HMCN1: variants seen among roughly 807,000 people sequenced by gnomAD.
HMCN1 encodes hemicentin-1.
HMCN1 carries 321 observed loss-of-function variants against 625.9 expected under a neutral mutation model. That is an observed-to-expected ratio of 0.51 (90% CI 0.47 to 0.56). The LOEUF is 0.56. Ranked by LOEUF, HMCN1 falls within the 20% of genes least tolerant of loss-of-function variation. The pLI is 0.00. For synonymous variants in HMCN1, 2,425 were observed against 2,417.6 expected (o/e 1.00, Z -0.09); for missense variants, 6,588 against 6,887.3 (o/e 0.96, Z 1.54).
intron 1 of HMCN1, among the ~76,000 whole-genome samples, chr1:185,778,549 A>T (rs1331285329): frequency 3.7e-5 from 5 of 133,780 alleles, no homozygotes; most frequent in African/African-American, 1.4e-4. Context: ...TCTGTGTCCA[A>T]GTGTTCTCAT....
At chr1:185,859,115 T>G in intron 2 of HMCN1, among the ~76,000 whole-genome samples, 1 of 144,180 alleles carries the variant, frequency 6.9e-6, no homozygotes, top group African/African-American at 2.7e-5. Context: ...TATATAATCC[T>G]TGTTTATAAA....
intron 35 of HMCN1, among the ~76,000 whole-genome samples, chr1:186,020,896 C>CT (rs1266663405): frequency 1.3e-5 from 2 of 151,958 alleles, no homozygotes; most frequent in Admixed American, 6.6e-5. Context: ...GTAGGAGGCA[C>CT]TTAAGTAAGG....
intron 97 of HMCN1, among the ~76,000 whole-genome samples, chr1:186,162,728 G>T (rs966219008): frequency 1.3e-5 from 2 of 152,282 alleles, no homozygotes. Context: ...CAGAACAGGG[G>T]TTTTTCGTGA....
At chr1:185,844,794 TG>T (rs1163216043) in intron 1 of HMCN1, among the ~76,000 whole-genome samples, 48 of 152,168 alleles carry the variant, frequency 3.2e-4, no homozygotes, top group Admixed American at 2.8e-3. Flanking sequence ...TACCCATAAA[TG>T]GCCACTTTTA....
intron 105 of HMCN1, among the ~76,000 whole-genome samples, chr1:186,185,340 G>A (rs556732420): frequency 1.3e-5 from 2 of 152,244 alleles, no homozygotes; most frequent in South Asian, 4.2e-4. Context: ...GGAAGATAAG[G>A]CTAATTGAAT....
At chr1:185,877,735 C>A (rs1201982573) in intron 4 of HMCN1, among the ~76,000 whole-genome samples, 2 of 151,550 alleles carry the variant, frequency 1.3e-5, no homozygotes, top group Admixed American at 1.3e-4. Flanking sequence ...CTATTTTTTT[C>A]CTTTTTTTTG....
intron 53 of HMCN1, 51 bp from the exon 54 acceptor site, chr1:186,076,377 C>T: frequency 6.6e-7 from 1 of 1,524,338 alleles, no homozygotes; most frequent in Non-Finnish European, 9.1e-7. Flanking sequence ...CAGCCAAGAT[C>T]TTTGTTTAAG....
intron 93 of HMCN1, among the ~76,000 whole-genome samples, chr1:186,146,888 C>G (rs1196525304): frequency 6.6e-6 from 1 of 152,114 alleles, no homozygotes; most frequent in Non-Finnish European, 1.5e-5. Context: ...GAGATCCCAG[C>G]CAGGTATTCA....
At chr1:185,845,951 A>G (rs1293037678) in intron 1 of HMCN1, 75 bp from the exon 2 acceptor site, 4 of 901,746 alleles carry the variant, frequency 4.4e-6, no homozygotes, top group Non-Finnish European at 7.5e-6. Context: ...AGGTGAAAAG[A>G]CATCTATAAA....
chr1:186,064,101 C>T (rs1657954028), intron 48 of HMCN1, among the ~76,000 whole-genome samples: 1 of 152,094 alleles, frequency 6.6e-6, no homozygotes, highest in Non-Finnish European at 1.5e-5. Flanking sequence ...GTGATATATA[C>T]TATTAACCTG....
At chr1:185,811,501 G>T (rs1261156001) in intron 1 of HMCN1, among the ~76,000 whole-genome samples, 1 of 152,036 alleles carries the variant, frequency 6.6e-6, no homozygotes, top group Non-Finnish European at 1.5e-5. Context: ...AGGAGGCGGA[G>T]GTGGGAAGGA....
chr1:185,910,886 T>A (rs1237355679), intron 5 of HMCN1, among the ~76,000 whole-genome samples: 1 of 152,108 alleles, frequency 6.6e-6, no homozygotes, highest in Non-Finnish European at 1.5e-5. Context: ...TTTCTTTATA[T>A]AACTGGAGAA....
At chr1:185,767,910 T>C (rs1370766892) in intron 1 of HMCN1, among the ~76,000 whole-genome samples, 1 of 152,172 alleles carries the variant, frequency 6.6e-6, no homozygotes, top group Non-Finnish European at 1.5e-5. Flanking sequence ...GCTCTTGAAA[T>C]GCTGATCTCA....
At chr1:186,163,172 G>C (rs1223672975) in intron 97 of HMCN1, among the ~76,000 whole-genome samples, 3 of 152,196 alleles carry the variant, frequency 2.0e-5, no homozygotes, top group African/African-American at 7.2e-5. Flanking sequence ...TGCTGTGCTA[G>C]CAATCAGCCA....
At chr1:185,902,813 A>T (rs977578925) in intron 4 of HMCN1, among the ~76,000 whole-genome samples, 1 of 151,680 alleles carries the variant, frequency 6.6e-6, no homozygotes, top group Non-Finnish European at 1.5e-5. Flanking sequence ...GTCTACATGT[A>T]TGTGTGTATG....
chr1:185,869,916 G>A (rs973223022), intron 4 of HMCN1, among the ~76,000 whole-genome samples: 1 of 151,756 alleles, frequency 6.6e-6, no homozygotes, highest in Non-Finnish European at 1.5e-5. Context: ...GGAAAGTGTA[G>A]TGTTATATTT....
rs200279097 is a variant in HMCN1, at chr1:186,186,992, T to TCACACACACA, written c.16415-890_16415-889insACACACACAC. On this transcript the variant is annotated intron_variant, in intron 105 of 106. Coordinates refer to ENST00000271588, the MANE Select transcript of HMCN1 (RefSeq NM_031935.3). ...ATCAATCTCACATTCTCTGTCTCTGTCTCACACACACACACACACACACAC... is the reference window on the plus strand; with the variant it reads ...ATCAATCTCACATTCTCTGTCTCTGTCACACACACACTCACACACACACACACACACACAC... Among the ~76,000 whole-genome samples, 597 of 95,440 alleles carry TCACACACACA rather than the reference T, an allele frequency of 6.3e-3. 8 individuals carry two copies. The highest frequency in any genetic ancestry group is 0.018 in the Middle Eastern group (3 of 164). 62.6% of individuals were successfully genotyped at this position (95,440 alleles called of 152,430 possible). A position where few individuals can be genotyped will look rare whatever the true frequency, so the allele number is the denominator to read the frequency against.
chr1:186,000,483 C>T (rs376079051), intron 26 of HMCN1, among the ~76,000 whole-genome samples: 1 of 151,538 alleles, frequency 6.6e-6, no homozygotes, highest in African/African-American at 2.4e-5. Context: ...TCTCCTGACC[C>T]TGTGCTGAGC....
intron 16 of HMCN1, among the ~76,000 whole-genome samples, chr1:185,979,518 G>A: frequency 6.6e-6 from 1 of 152,154 alleles, no homozygotes; most frequent in Non-Finnish European, 1.5e-5. Context: ...TGTCTGGAAG[G>A]AAATTAGTAA....
Sources: allele counts gnomAD v4.1 joint callset (sites outside exome capture counted in the v4.1 genomes callset), GRCh38; gene constraint gnomAD v4.1.1; transcripts MANE v1.5; gene names NCBI Gene and HGNC (gene_info 2026-07-23, HGNC 2026-07-21).